TRRAP: variants seen among roughly 807,000 people sequenced by gnomAD.
The protein encoded by TRRAP is transformation/transcription domain-associated protein.
TRRAP carries 41 observed loss-of-function variants against 438.8 expected under a neutral mutation model. The observed-to-expected ratio is 0.09, with a 90% CI of 0.07 to 0.12. The LOEUF (loss-of-function observed/expected upper bound fraction) is 0.12. Ranked by LOEUF, TRRAP falls within the 10% of genes least tolerant of loss-of-function variation. TRRAP has a pLI of 1.00. For synonymous variants in TRRAP, 1,994 were observed against 1,962.9 expected (o/e 1.02, Z -0.42); for missense variants, 3,122 against 5,055.1 (o/e 0.62, Z 11.60).
At chr7:98,887,665 G>A (rs1012588050) in intron 3 of TRRAP, among the ~76,000 whole-genome samples, 4 of 138,102 alleles carry the variant, frequency 2.9e-5, no homozygotes, top group Non-Finnish European at 6.1e-5. Context: ...TGGAGGCGGA[G>A]GTTGCAGTGA....
chr7:98,975,900 G>A (rs1792632852), intron 53 of TRRAP: 9 of 450,894 alleles, frequency 2.0e-5, no homozygotes, highest in Middle Eastern at 1.2e-3. Flanking sequence ...TAAAAACTAA[G>A]GACAAATGCA....
In TRRAP at chr7:98,939,537, G is replaced by T. The variant is rs930632005; in HGVS notation, c.4404+1717G>T. ...TAATACATTATAATTGAAAAACAAAGTATAATATGGAAGTGAATTTTCCAA... is the reference window on the plus strand; with the variant it reads ...TAATACATTATAATTGAAAAACAAATTATAATATGGAAGTGAATTTTCCAA... On this transcript the variant is annotated intron_variant, in intron 30 of 72. Coordinates refer to ENST00000456197, the MANE Select transcript of TRRAP (RefSeq NM_001375524.1). 2.0e-5 allele frequency among the ~76,000 whole-genome samples: 3 copies of T among 152,258 alleles called. No homozygotes were observed. In the South Asian group the frequency reaches 6.2e-4, roughly 32 times the overall value.
At chr7:98,896,352 T>C (rs1796203232) in intron 7 of TRRAP, among the ~76,000 whole-genome samples, 1 of 152,144 alleles carries the variant, frequency 6.6e-6, no homozygotes, top group African/African-American at 2.4e-5. Flanking sequence ...TAAACACTCT[T>C]GCCAGTTTGG....
chr7:98,933,267 G>A lies in TRRAP; in HGVS notation c.3879G>A (p.Lys1293=), dbSNP rs1554413384. ...TCCTGCAGGATATGGTCCCCCCTAA[G>A]AAGCACCTGCTCCGACACCAGCCTG... ...KEVLQDMVPP[K]KHLLRHQPAN... Residue 1293 remains lysine, a synonymous_variant, in exon 27 of 73, where the codon AAG becomes AAA. Coordinates refer to ENST00000456197, the MANE Select transcript of TRRAP (RefSeq NM_001375524.1). The A allele has an allele frequency of 6.2e-7, 1 of 1,613,736 alleles. No individual in the cohort carries two copies. The highest frequency in any genetic ancestry group is 1.7e-5 in the Admixed American group (1 of 59,980).
At chr7:98,983,568 C>T in intron 60 of TRRAP, 109 bp downstream of exon 60, 1 of 1,297,914 alleles carries the variant, frequency 7.7e-7, no homozygotes, top group Non-Finnish European at 1.1e-6. Context: ...TTTTTTTCCC[C>T]CAGGTTTTCT....
chr7:98,952,149 G>A (rs943511497), intron 39 of TRRAP, among the ~76,000 whole-genome samples: 1 of 152,206 alleles, frequency 6.6e-6, no homozygotes, highest in Non-Finnish European at 1.5e-5. Flanking sequence ...CTGGTAGACA[G>A]ACAGCGGTTA....
Position 99,005,967 on chromosome 7 carries a change from C to A in TRRAP, c.10753+619C>A, listed in dbSNP as rs1456390194. On this transcript the variant is annotated intron_variant, in intron 69 of 72. Transcript: ENST00000456197. This position sits in a 1 kb window ranked among gnomAD's most constrained non-coding sequence, Gnocchi z 5.1. ...GCAGCAGCATGCATCAGGTTTCCAG[C>A]GCGCCTCTAGCTGCTTCACACGCTG... is the stretch of plus-strand genomic sequence containing the variant. 6.6e-6 allele frequency among the ~76,000 whole-genome samples: 1 copy of A among 152,168 alleles called. No individual in the cohort carries two copies. The highest frequency in any genetic ancestry group is 1.5e-5 in the Non-Finnish European group (1 of 68,024).
At chr7:98,957,832 G>A (rs1189668479) in intron 43 of TRRAP, 149 bp from the exon 44 acceptor site, 8 of 698,590 alleles carry the variant, frequency 1.1e-5, no homozygotes, top group Non-Finnish European at 2.0e-5. Context: ...CCAGGGCACA[G>A]ACCACATCTG....
chr7:98,885,457 C>T (rs1795653746), intron 3 of TRRAP, among the ~76,000 whole-genome samples: 1 of 151,932 alleles, frequency 6.6e-6, no homozygotes, highest in Non-Finnish European at 1.5e-5. Flanking sequence ...TCCGTAAGGT[C>T]TTTTGTATTA....
At chr7:98,928,944 T>A (rs1465961925) in intron 23 of TRRAP, among the ~76,000 whole-genome samples, 1 of 151,440 alleles carries the variant, frequency 6.6e-6, no homozygotes, top group Non-Finnish European at 1.5e-5. Context: ...CGGCTAATTT[T>A]TTTTTTTTTT....
chr7:98,893,777 T>C (rs1357117637), intron 5 of TRRAP, 21 bp from the exon 6 acceptor site: 4 of 1,608,186 alleles, frequency 2.5e-6, no homozygotes, highest in African/African-American at 1.3e-5. Flanking sequence ...AGTATAACTT[T>C]CATTAAATGC....
At position 98,908,732 on chromosome 7, in the gene TRRAP, C is replaced by A; in HGVS notation, c.1120C>A (p.Leu374Ile). 1 of 1,548,748 alleles carries A rather than the reference C, an allele frequency of 6.5e-7. No homozygotes were observed. Among genetic ancestry groups the A allele is most frequent in the East Asian group, 2.4e-5 (1 of 41,084 alleles). Residue 374 changes from leucine to isoleucine, a missense_variant, in exon 14 of 73, where the codon CTC becomes ATC. By Grantham distance (5) the Leu-to-Ile change is conservative. Around this residue, in one of 24 missense-constraint regions of TRRAP, gnomAD observed 343 missense variants for 564.0 expected, o/e 0.61. Coordinates refer to ENST00000456197, the MANE Select transcript of TRRAP (RefSeq NM_001375524.1). The surrounding 1 kb of genome is among the most constrained non-coding windows in gnomAD (Gnocchi z 4.1). Reference protein sequence around the residue: ...GYTARETLRPLAYSTLADLVH... With the variant: ...GYTARETLRPIAYSTLADLVH... ...AGTCGAGGTCTCTGCCCGCAGGCCCCTCGCCTACAGCACGCTGGCCGACCT... is the reference window on the plus strand; with the variant it reads ...AGTCGAGGTCTCTGCCCGCAGGCCCATCGCCTACAGCACGCTGGCCGACCT...
At chr7:98,950,849 CCTT>C (rs781830868) in intron 38 of TRRAP, 24 bp from the exon 39 acceptor site, 20 of 1,498,864 alleles carry the variant, frequency 1.3e-5, no homozygotes, top group African/African-American at 4.3e-5. Flanking sequence ...TTGTTTTTCT[CCTT>C]CTTTATTTAA....
rs189623198 is a variant in TRRAP, at chr7:98,883,235, C to T, written c.150+1211C>T. On this transcript the variant is annotated intron_variant, in intron 3 of 72. Coordinates refer to ENST00000456197, the MANE Select transcript of TRRAP (RefSeq NM_001375524.1). The stretch of plus-strand genomic sequence containing the variant: ...CTTCTGAGAATTTTTTTATTATCTG[C>T]AACTTGCTGGGTTTTTCTTAGAATT... Among the ~76,000 whole-genome samples, 80 of 152,268 alleles carry T rather than the reference C, an allele frequency of 5.3e-4. 1 individual carries two copies. The highest frequency in any genetic ancestry group is 1.8e-3 in the African/African-American group (76 of 41,564).
intron 27 of TRRAP, among the ~76,000 whole-genome samples, chr7:98,934,104 G>T (rs1367633299): frequency 6.6e-6 from 1 of 152,158 alleles, no homozygotes; most frequent in Non-Finnish European, 1.5e-5. Flanking sequence ...TTCCAGTGTG[G>T]GGTGCTATTA....
chr7:98,955,653 G>T (rs1554419437), intron 41 of TRRAP, among the ~76,000 whole-genome samples: 1 of 152,136 alleles, frequency 6.6e-6, no homozygotes, highest in African/African-American at 2.4e-5. Flanking sequence ...TATTCATGTT[G>T]CTGGCACCTC....
intron 62 of TRRAP, 113 bp from the exon 63 acceptor site, chr7:98,988,652 T>A: frequency 7.7e-7 from 1 of 1,300,084 alleles, no homozygotes; most frequent in South Asian, 1.4e-5. Context: ...TGCACAACAT[T>A]GTGAATGGAC....
At chr7:98,988,721 T>G (rs777623415) in intron 62 of TRRAP, 44 bp from the exon 63 acceptor site, 7 of 1,599,450 alleles carry the variant, frequency 4.4e-6, no homozygotes, top group Non-Finnish European at 6.0e-6. Flanking sequence ...GAAGCTCGCT[T>G]CAATTGAAAA....
intron 1 of TRRAP, among the ~76,000 whole-genome samples, chr7:98,879,741 G>A (rs1187613835): frequency 6.6e-6 from 1 of 152,216 alleles, no homozygotes; most frequent in East Asian, 1.9e-4. Context: ...GGCTTCTGGT[G>A]GGCTTGTTGT....
Sources: gnomAD v4.1 joint callset for allele counts (sites outside exome capture counted in the v4.1 genomes callset) on GRCh38, gnomAD v4.1.1 for gene constraint, gnomAD v4.1.1 regional missense constraint, Gnocchi (gnomAD v3.1) non-coding constraint, MANE v1.5 for transcripts, NCBI Gene and HGNC (gene_info 2026-07-23, HGNC 2026-07-21) for gene names.